ABLIM2: variants seen among roughly 807,000 people sequenced by gnomAD.
ABLIM2 encodes the protein actin binding LIM protein family member 2.
A neutral mutation model predicts 97.7 loss-of-function variants in ABLIM2; 53 were observed. That is an observed-to-expected ratio of 0.54 (90% CI 0.44 to 0.68). The LOEUF (loss-of-function observed/expected upper bound fraction) is 0.68, where lower values mean the gene tolerates loss of function less well. Among genes scored for constraint, ABLIM2 ranks in the 30% least tolerant of loss-of-function variants. The pLI, the probability that ABLIM2 is intolerant of heterozygous loss-of-function variation, is 0.00. For missense variants in ABLIM2, 835 were observed against 867.2 expected (o/e 0.96, Z 0.47); for synonymous variants, 361 against 345.8 (o/e 1.04, Z -0.49).
chr4:8,072,484 C>T lies in ABLIM2; in HGVS notation c.675+5144G>A, dbSNP rs998434048. Among the ~76,000 whole-genome samples, 1 of 152,238 alleles carries T rather than the reference C, an allele frequency of 6.6e-6. No individual in the cohort carries two copies. Among genetic ancestry groups the T allele is most frequent in the Admixed American group, 6.5e-5 (1 of 15,288 alleles). ...CAGAAACGCGGGGCAGGTGAGGCTCCTGCACCAGCAGCAGCAACAGCCGCA... is the reference window on the plus strand; with the variant it reads ...CAGAAACGCGGGGCAGGTGAGGCTCTTGCACCAGCAGCAGCAACAGCCGCA... On this transcript the variant is annotated intron_variant, in intron 6 of 20. Coordinates refer to ENST00000447017, the MANE Select transcript of ABLIM2 (RefSeq NM_001130083.2). This position sits in a 1 kb window ranked among gnomAD's most constrained non-coding sequence, Gnocchi z 5.8.
intron 6 of ABLIM2, among the ~76,000 whole-genome samples, chr4:8,062,395 G>A (rs992011784): frequency 2.6e-5 from 4 of 152,020 alleles, no homozygotes; most frequent in Admixed American, 6.5e-5. Context: ...CAATCATTTC[G>A]CTGATCACAA....
chr4:8,151,274 C>T (rs772610539), intron 1 of ABLIM2, among the ~76,000 whole-genome samples: 10 of 152,262 alleles, frequency 6.6e-5, no homozygotes, highest in Non-Finnish European at 1.0e-4. Flanking sequence ...GCTCGTTATC[C>T]GCAGCAGACC....
intron 19 of ABLIM2, 72 bp downstream of exon 19, chr4:7,983,475 C>T: frequency 1.9e-6 from 3 of 1,602,434 alleles, no homozygotes; most frequent in Non-Finnish European, 1.7e-6. Context: ...AGGTAAAGCA[C>T]AACAGAAAGG....
rs1180942957 is a variant in ABLIM2, at chr4:8,019,560, G to A, written c.1423+58C>T. The A allele has an allele frequency of 2.0e-6, 3 of 1,509,332 alleles. No individual in the cohort carries two copies. Among genetic ancestry groups the A allele is most frequent in the Middle Eastern group, 1.7e-4 (1 of 5,788 alleles). 93.5% of individuals were successfully genotyped at this position (1,509,332 alleles called of 1,614,324 possible). On this transcript the variant is annotated intron_variant, in intron 14 of 20. Coordinates refer to ENST00000447017, the MANE Select transcript of ABLIM2 (RefSeq NM_001130083.2). The surrounding 1 kb of genome is among the most constrained non-coding windows in gnomAD (Gnocchi z 4.3). The stretch of plus-strand genomic sequence containing the variant: ...CAACAAAAGGATGCATTCAGAAGCA[G>A]ATGGGTATTGACAGGCATGCGGGGC...
rs570504076 is a variant in ABLIM2, at chr4:8,071,835, G to A, written c.675+5793C>T. 33 of 985,408 alleles carry A rather than the reference G, an allele frequency of 3.3e-5. No individual in the cohort carries two copies. Among genetic ancestry groups the A allele is most frequent in the African/African-American group, 2.3e-4 (13 of 57,334 alleles). 61.0% of individuals were successfully genotyped at this position (985,408 alleles called of 1,614,324 possible). ...GCTTGAGTGCCGTGCTCCCTGGAAC[G>A]TGTGCCTGCGAGGGTGGACACCCTC... is the stretch of plus-strand genomic sequence containing the variant. On this transcript the variant is annotated intron_variant, in intron 6 of 20. Coordinates refer to ENST00000447017, the MANE Select transcript of ABLIM2 (RefSeq NM_001130083.2). This position sits in a 1 kb window ranked among gnomAD's most constrained non-coding sequence, Gnocchi z 6.2.
Position 7,986,095 on chromosome 4 carries a change from C to T in ABLIM2, c.1681-1202G>A, listed in dbSNP as rs939050520. On this transcript the variant is annotated intron_variant, in intron 17 of 20. Transcript: ENST00000447017. This position sits in a 1 kb window ranked among gnomAD's most constrained non-coding sequence, Gnocchi z 4.3. ...ACGCTTCGTTCCCCAGCACCTGGAA[C>T]GGGGTCTCAAACGGGGTCAGGGCTC... Among the ~76,000 whole-genome samples, 5 of 152,210 alleles carry T rather than the reference C, an allele frequency of 3.3e-5. No individual in the cohort carries two copies. Among genetic ancestry groups the T allele is most frequent in the East Asian group, 1.9e-4 (1 of 5,196 alleles).
In ABLIM2 at chr4:8,029,743, G is replaced by A. The variant is rs1437301339; in HGVS notation, c.1081C>T (p.Arg361Trp). ...CCAGTGGAGCTTGGGCTGGAGGTCC[G>A]ACACTGCTTGTAGGACCGGTCATCC... is the stretch of plus-strand genomic sequence containing the variant. Reference protein sequence around the residue: ...DQDDRSYKQCRTSSPSSTGSV... With the variant: ...DQDDRSYKQCWTSSPSSTGSV... Residue 361 changes from arginine (R) to tryptophan (W), a missense_variant, in exon 11 of 21, where the codon CGG (arginine) becomes TGG (tryptophan). By Grantham distance (101) the Arg-to-Trp change is moderately radical. Transcript: ENST00000447017. 12 of 1,562,802 alleles carry A rather than the reference G, an allele frequency of 7.7e-6. No homozygotes were observed. Among genetic ancestry groups the A allele is most frequent in the East Asian group, 2.4e-5 (1 of 41,788 alleles).
intron 1 of ABLIM2, among the ~76,000 whole-genome samples, chr4:8,156,110 A>T (rs1561653114): frequency 6.6e-6 from 1 of 152,094 alleles, no homozygotes; most frequent in African/African-American, 2.4e-5. Flanking sequence ...GCCCAGGAGG[A>T]TATTTAGGCT....
At chr4:8,070,005 T>C (rs1810757192) in intron 6 of ABLIM2, among the ~76,000 whole-genome samples, 1 of 152,280 alleles carries the variant, frequency 6.6e-6, no homozygotes. Flanking sequence ...GATCTGTGTG[T>C]CCTTTTGTGT....
chr4:8,133,883 A>G (rs947226400), intron 1 of ABLIM2, among the ~76,000 whole-genome samples: 2 of 152,172 alleles, frequency 1.3e-5, no homozygotes, highest in African/African-American at 4.8e-5. Context: ...CCTGAGTGCC[A>G]CTAACACCAG....
Position 7,983,537 on chromosome 4 carries a change from C to A in ABLIM2, c.1743+10G>T. 6.2e-7 allele frequency: 1 copy of A among 1,613,090 alleles called. No individual in the cohort carries two copies. Among genetic ancestry groups the A allele is most frequent in the Non-Finnish European group, 8.5e-7 (1 of 1,179,646 alleles). ...GGCACGGAGGTCAGTGTGGGAGCGG[C>A]CCCGCTTACCTTGTATTCTGTAAGA... On this transcript the variant is annotated intron_variant, in intron 19 of 20. Coordinates refer to ENST00000447017, the MANE Select transcript of ABLIM2 (RefSeq NM_001130083.2).
chr4:7,975,936 A>T (rs1474803650), intron 20 of ABLIM2, among the ~76,000 whole-genome samples: 5 of 152,152 alleles, frequency 3.3e-5, no homozygotes, highest in African/African-American at 1.2e-4. Context: ...TTTTTCTTAA[A>T]CATATGTCCC....
intron 10 of ABLIM2, among the ~76,000 whole-genome samples, chr4:8,035,654 C>T (rs1021887033): frequency 6.6e-6 from 1 of 152,222 alleles, no homozygotes; most frequent in Non-Finnish European, 1.5e-5. Context: ...GGAACGCCGT[C>T]CACAGGCAGG....
chr4:7,985,806 AT>A (rs1289387052), intron 17 of ABLIM2, among the ~76,000 whole-genome samples: 5 of 152,176 alleles, frequency 3.3e-5, no homozygotes, highest in African/African-American at 1.2e-4. Flanking sequence ...ATTTTAGCGC[AT>A]TGAGACCATT....
At chr4:8,037,114 A>T (rs1161945207) in intron 9 of ABLIM2, among the ~76,000 whole-genome samples, 3 of 152,352 alleles carry the variant, frequency 2.0e-5, no homozygotes, top group Middle Eastern at 3.4e-3. Context: ...CATAAATAAA[A>T]TAGTGTATTA....
At chr4:8,008,966 G>T in intron 15 of ABLIM2, 84 bp downstream of exon 15, 1 of 1,496,110 alleles carries the variant, frequency 6.7e-7, no homozygotes, top group Non-Finnish European at 9.3e-7. Flanking sequence ...AGGAAGATTC[G>T]AAGTCTCAAT....
intron 3 of ABLIM2, among the ~76,000 whole-genome samples, chr4:8,094,573 T>C (rs945087286): frequency 9.2e-5 from 14 of 152,220 alleles, no homozygotes; most frequent in African/African-American, 3.4e-4. Context: ...CACAGTGCTT[T>C]TCTATACAAT....
At chr4:8,108,961 C>T (rs943799657) in intron 1 of ABLIM2, among the ~76,000 whole-genome samples, 26 of 152,312 alleles carry the variant, frequency 1.7e-4, no homozygotes, top group Admixed American at 2.6e-4. Flanking sequence ...CAGGCCAGAG[C>T]GAGGAGTGGG....
At chr4:8,090,803 A>G (rs1259811428) in intron 3 of ABLIM2, among the ~76,000 whole-genome samples, 1 of 151,698 alleles carries the variant, frequency 6.6e-6, no homozygotes, top group Non-Finnish European at 1.5e-5. Flanking sequence ...GCTATTTGCC[A>G]ATATCGATCC....
Sources: gnomAD v4.1 joint callset for allele counts (sites outside exome capture counted in the v4.1 genomes callset) on GRCh38, gnomAD v4.1.1 for gene constraint, Gnocchi (gnomAD v3.1) non-coding constraint, MANE v1.5 for transcripts, NCBI Gene and HGNC (gene_info 2026-07-23, HGNC 2026-07-21) for gene names.